The following OR2L13 variants were observed in gnomAD, a reference collection of about 807,000 sequenced individuals.
OR2L13 encodes olfactory receptor 2L13.
OR2L13 carries 14 observed loss-of-function variants against 15.3 expected under a neutral mutation model. That is an observed-to-expected ratio of 0.91 (90% confidence interval 0.60 to 1.43). The LOEUF (loss-of-function observed/expected upper bound fraction) is 1.43. OR2L13 is among the 40% of genes most tolerant of loss of function. The probability of loss-of-function intolerance (pLI) is 0.00; values close to 1 mark genes in which losing one functional copy is unlikely to be tolerated. For missense variants in OR2L13, 367 were observed against 387.9 expected, an observed-to-expected ratio of 0.95 and a Z score of 0.45; for synonymous variants, 152 against 142.9, an observed-to-expected ratio of 1.06 and a Z score of -0.45.
the OR2L13 span, among the ~76,000 whole-genome samples, chr1:247,988,825 T>G: frequency 2.6e-5 from 4 of 152,188 alleles, no homozygotes; most frequent in Non-Finnish European, 5.9e-5. Context: ...TCCAAACCCC[T>G]TCTTTTGAAG....
At chr1:248,066,781 G>A in the OR2L13 span, among the ~76,000 whole-genome samples, 1 of 152,168 alleles carries the variant, frequency 6.6e-6, no homozygotes, top group African/African-American at 2.4e-5. Flanking sequence ...CAAGTAGTGT[G>A]TTATTTACCT....
chr1:248,083,395 A>G, the OR2L13 span: 1 of 435,892 alleles, frequency 2.3e-6, no homozygotes, highest in Non-Finnish European at 4.1e-6. Context: ...AACAGTACTT[A>G]TATCATGGGG....
chr1:248,022,039 T>C, the OR2L13 span: 25 of 1,613,862 alleles, frequency 1.5e-5, no homozygotes, highest in Non-Finnish European at 2.0e-5. Flanking sequence ...ATTCTCTTTG[T>C]TCTCATTTTC....
the OR2L13 span, among the ~76,000 whole-genome samples, chr1:248,049,739 T>C: frequency 6.6e-6 from 1 of 152,176 alleles, no homozygotes; most frequent in Non-Finnish European, 1.5e-5. Flanking sequence ...GTTTTAATAA[T>C]TTTTTTCTAT....
At chr1:247,974,883 ATCT>A in the OR2L13 span, 1 of 244,054 alleles carries the variant, frequency 4.1e-6, no homozygotes, top group African/African-American at 2.3e-5. Context: ...GATCCTTCTC[ATCT>A]TCTTGGACAC....
chr1:247,956,535 A>G, the OR2L13 span, among the ~76,000 whole-genome samples: 5 of 150,608 alleles, frequency 3.3e-5, no homozygotes, highest in Non-Finnish European at 7.4e-5. Flanking sequence ...TACCTTGGGC[A>G]GTATGGCCAT....
chr1:248,014,059 A>T, the OR2L13 span, among the ~76,000 whole-genome samples: 1 of 152,134 alleles, frequency 6.6e-6, no homozygotes, highest in Non-Finnish European at 1.5e-5. Context: ...AATAATTATC[A>T]TAGAGGGCAG....
the OR2L13 span, among the ~76,000 whole-genome samples, chr1:247,984,465 C>G: frequency 6.6e-6 from 1 of 152,088 alleles, no homozygotes; most frequent in African/African-American, 2.4e-5. Flanking sequence ...AGTATATATT[C>G]TACTTGCCAA....
the OR2L13 span, among the ~76,000 whole-genome samples, chr1:248,032,445 C>T: frequency 1.3e-5 from 2 of 152,088 alleles, no homozygotes. Flanking sequence ...CCATCCCCAC[C>T]AGTCATCTCC....
the OR2L13 span, chr1:248,022,116 C>A: frequency 1.2e-6 from 2 of 1,613,904 alleles, no homozygotes; most frequent in Non-Finnish European, 1.7e-6. Context: ...TCTCCACACA[C>A]CCATGTATTT....
chr1:248,027,335 C>T, the OR2L13 span, among the ~76,000 whole-genome samples: 3 of 152,178 alleles, frequency 2.0e-5, no homozygotes, highest in African/African-American at 7.2e-5. Flanking sequence ...CCCAAAACTT[C>T]ATTAGCAATT....
the OR2L13 span, among the ~76,000 whole-genome samples, chr1:247,973,137 A>C: frequency 6.6e-6 from 1 of 152,136 alleles, no homozygotes; most frequent in Admixed American, 6.5e-5. Flanking sequence ...CAAATTAATA[A>C]AAGCTATTTA....
chr1:248,020,292 G>A, the OR2L13 span, among the ~76,000 whole-genome samples: 1 of 152,146 alleles, frequency 6.6e-6, no homozygotes, highest in African/African-American at 2.4e-5. Flanking sequence ...AACTGTCGCT[G>A]TTTGCTGATG....
At chr1:247,985,622 C>T in the OR2L13 span, among the ~76,000 whole-genome samples, 6 of 152,108 alleles carry the variant, frequency 3.9e-5, no homozygotes, top group African/African-American at 7.2e-5. Context: ...TGGTTATATA[C>T]GCAGTAATGG....
At chr1:248,004,240 A>G in the OR2L13 span, among the ~76,000 whole-genome samples, 1 of 152,214 alleles carries the variant, frequency 6.6e-6, no homozygotes, top group Non-Finnish European at 1.5e-5. Flanking sequence ...ATATAATTCT[A>G]AACAACCTTT....
At chr1:247,960,267 C>G in the OR2L13 span, among the ~76,000 whole-genome samples, 3 of 152,166 alleles carry the variant, frequency 2.0e-5, no homozygotes, top group African/African-American at 7.2e-5. Flanking sequence ...TATTGGTGAA[C>G]AGCAAGTGTT....
the OR2L13 span, chr1:248,084,713 T>G: frequency 6.9e-7 from 1 of 1,441,962 alleles, no homozygotes; most frequent in Non-Finnish European, 9.3e-7. Flanking sequence ...AATGTCATGG[T>G]TTGAATATTT....
At chr1:248,070,388 C>T in the OR2L13 span, among the ~76,000 whole-genome samples, 398 of 151,980 alleles carry the variant, frequency 2.6e-3, 1 homozygote, top group Admixed American at 3.9e-3. Flanking sequence ...GGGTACATAA[C>T]GAAATGAAGG....
the OR2L13 span, chr1:247,975,686 G>C: frequency 1.4e-5 from 12 of 872,202 alleles, no homozygotes; most frequent in Non-Finnish European, 2.0e-5. Context: ...TAGAGTCCAA[G>C]CACTAGCCTC....
Sources: gnomAD v4.1 joint callset for allele counts (sites outside exome capture counted in the v4.1 genomes callset) on GRCh38, gnomAD v4.1.1 for gene constraint, MANE v1.5 for transcripts, NCBI Gene and HGNC (gene_info 2026-07-23, HGNC 2026-07-21) for gene names.